The following MGAT5B variants were observed in gnomAD, a reference collection of about 807,000 sequenced individuals.
The protein encoded by MGAT5B is alpha-1,6-mannosylglycoprotein 6-beta-N-acetylglucosaminyltransferase B, also known as N-acetylglucosaminyl-transferase Vb.
MGAT5B carries 54 observed loss-of-function variants against 95.1 expected under a neutral mutation model. The observed-to-expected ratio is 0.57, with a 90% CI of 0.46 to 0.71. The LOEUF is 0.71. Among genes scored for constraint, MGAT5B ranks in the 30% least tolerant of loss-of-function variants. The pLI, the probability that MGAT5B is intolerant of heterozygous loss-of-function variation, is 0.00. For synonymous variants in MGAT5B, 464 were observed against 451.0 expected (o/e 1.03, Z -0.36); for missense variants, 935 against 1,088.6 (o/e 0.86, Z 1.99).
intron 13 of MGAT5B, among the ~76,000 whole-genome samples, chr17:76,939,507 C>T (rs1032547103): frequency 7.4e-4 from 78 of 105,824 alleles, no homozygotes; most frequent in Non-Finnish European, 1.3e-3. Flanking sequence ...AGCAAGACTC[C>T]GTCTCAAAAT....
intron 2 of MGAT5B, 49 bp downstream of exon 2, chr17:76,873,012 G>C: frequency 6.3e-7 from 1 of 1,596,866 alleles, no homozygotes; most frequent in Non-Finnish European, 8.5e-7. Context: ...GGCGTTTGTG[G>C]GTCAAAGAGG....
chr17:76,948,122 T>C (rs1405078720), intron 17 of MGAT5B, 36 bp downstream of exon 17: 1 of 1,508,380 alleles, frequency 6.6e-7, no homozygotes, highest in African/African-American at 1.4e-5. Context: ...CCAGCCGCTA[T>C]CATCGCTGGC....
intron 10 of MGAT5B, 27 bp downstream of exon 10, chr17:76,926,757 G>A: frequency 6.2e-7 from 1 of 1,608,896 alleles, no homozygotes; most frequent in Non-Finnish European, 8.5e-7. Flanking sequence ...GCAGGGGTGG[G>A]GTCGGAGGTC....
In MGAT5B at chr17:76,925,050, C is replaced by T; in HGVS notation, c.1110C>T (p.Gly370=). The T allele has an allele frequency of 6.2e-7, 1 of 1,611,696 alleles. No homozygotes were observed. Among genetic ancestry groups the T allele is most frequent in the Non-Finnish European group, 8.5e-7 (1 of 1,179,398 alleles). ...PFDLIYTDYH[G]LQQMKRHMGL... ...ACCTCATCTACACCGACTACCACGG[C>T]CTGCAGCAGATGAAGCGGCACATGG... The change falls in exon 9 of 18, where the codon GGC becomes GGT. Residue 370 remains glycine, a synonymous_variant. Coordinates refer to ENST00000569840, the MANE Select transcript of MGAT5B (RefSeq NM_001199172.2).
chr17:76,897,008 T>C (rs1324608569), intron 3 of MGAT5B, among the ~76,000 whole-genome samples: 1 of 152,064 alleles, frequency 6.6e-6, no homozygotes, highest in Non-Finnish European at 1.5e-5. Flanking sequence ...AGCCTGGACC[T>C]CACGGGCGCA....
At position 76,869,214 on chromosome 17, in the gene MGAT5B, C is replaced by G. The variant is rs1966903655; in HGVS notation, c.68+117C>G. The G allele has an allele frequency of 5.6e-6, 5 of 896,300 alleles. No individual in the cohort carries two copies. The highest frequency in any genetic ancestry group is 9.2e-6 in the Non-Finnish European group (5 of 541,294). The allele number at this position is 896,300 out of a possible 1,614,324, so 55.5% of individuals were successfully genotyped here. ...CAGAGGGGGCGGTTCACACTTCAAC[C>G]CCTGGTGATGACCAGTGGGGCTGGG... On this transcript the variant is annotated intron_variant, in intron 1 of 17. Coordinates refer to ENST00000569840, the MANE Select transcript of MGAT5B (RefSeq NM_001199172.2). This position sits in a 1 kb window ranked among gnomAD's most constrained non-coding sequence, Gnocchi z 7.0.
At chr17:76,941,599 G>A (rs1397574365) in intron 15 of MGAT5B, among the ~76,000 whole-genome samples, 1 of 152,190 alleles carries the variant, frequency 6.6e-6, no homozygotes, top group East Asian at 1.9e-4. Flanking sequence ...GGTGGCTCCC[G>A]CCTGTAATCC....
intron 15 of MGAT5B, among the ~76,000 whole-genome samples, chr17:76,941,888 C>G (rs1969872177): frequency 6.6e-6 from 1 of 152,234 alleles, no homozygotes; most frequent in South Asian, 2.1e-4. Flanking sequence ...CATCCCAGAG[C>G]TGTCCTGCCC....
At chr17:76,948,597 A>C in intron 17 of MGAT5B, 43 bp from the exon 18 acceptor site, 1 of 1,572,816 alleles carries the variant, frequency 6.4e-7, no homozygotes, top group Non-Finnish European at 8.6e-7. Flanking sequence ...CCTTCTGCCC[A>C]AGTGACCAAC....
chr17:76,873,722 T>C (rs1967084339), intron 2 of MGAT5B, among the ~76,000 whole-genome samples: 2 of 152,180 alleles, frequency 1.3e-5, no homozygotes, highest in African/African-American at 4.8e-5. Flanking sequence ...GGGTCAGAAC[T>C]GAGCCCTGCT....
At position 76,914,668 on chromosome 17, in the gene MGAT5B, C is replaced by T. The variant is rs1164969189; in HGVS notation, c.1025+8481C>T. Among the ~76,000 whole-genome samples, 2 of 145,668 alleles carry T rather than the reference C, an allele frequency of 1.4e-5. No homozygotes were observed. Among genetic ancestry groups the T allele is most frequent in the Non-Finnish European group, 3.0e-5 (2 of 67,488 alleles). On this transcript the variant is annotated intron_variant, in intron 8 of 17. Coordinates refer to ENST00000569840, the MANE Select transcript of MGAT5B (RefSeq NM_001199172.2). This position sits in a 1 kb window ranked among gnomAD's most constrained non-coding sequence, Gnocchi z 5.1. ...TCTTTTTTTTTTTTTGAGACAGAGT[C>T]TTGCCCTGTCCCCCAGCTGGAGCGC...
intron 8 of MGAT5B, among the ~76,000 whole-genome samples, chr17:76,907,499 T>G (rs936872269): frequency 5.9e-5 from 9 of 152,250 alleles, no homozygotes; most frequent in African/African-American, 2.2e-4. Context: ...AAACTCACTC[T>G]GTTTCAAAGA....
intron 9 of MGAT5B, 148 bp from the exon 10 acceptor site, chr17:76,926,449 G>C: frequency 1.4e-6 from 1 of 735,106 alleles, no homozygotes. Context: ...TCACACAGCA[G>C]GGCAGTGTCC....
At chr17:76,942,124 C>T (rs112611256) in intron 15 of MGAT5B, among the ~76,000 whole-genome samples, 217 of 152,290 alleles carry the variant, frequency 1.4e-3, no homozygotes, top group Middle Eastern at 3.4e-3. Context: ...AGCAAAGCAC[C>T]GGCCTAGACA....
chr17:76,939,453 G>T (rs1969795658), intron 13 of MGAT5B, among the ~76,000 whole-genome samples: 1 of 152,174 alleles, frequency 6.6e-6, no homozygotes, highest in African/African-American at 2.4e-5. Flanking sequence ...GGCAGAGGTT[G>T]CAGTGAGATG....
chr17:76,906,291 C>A lies in MGAT5B; in HGVS notation c.1025+104C>A. ...GCTGTGGGAGCACCTGCTCTGCCTGCAGGTCCCACGGCCCTGAGACCCTGG... is the reference window on the plus strand; with the variant it reads ...GCTGTGGGAGCACCTGCTCTGCCTGAAGGTCCCACGGCCCTGAGACCCTGG... On this transcript the variant is annotated intron_variant, in intron 8 of 17. Coordinates refer to ENST00000569840, the MANE Select transcript of MGAT5B (RefSeq NM_001199172.2). The surrounding 1 kb of genome is among the most constrained non-coding windows in gnomAD (Gnocchi z 4.6). 2 of 1,162,710 alleles carry A rather than the reference C, an allele frequency of 1.7e-6. No homozygotes were observed. Among genetic ancestry groups the A allele is most frequent in the Non-Finnish European group, 2.4e-6 (2 of 845,426 alleles). The allele number at this position is 1,162,710 out of a possible 1,614,324, so 72.0% of individuals were successfully genotyped here.
In MGAT5B at chr17:76,916,000, G is replaced by C. The variant is rs1968920155; in HGVS notation, c.1026-8966G>C. Among the ~76,000 whole-genome samples the C allele has an allele frequency of 6.6e-6, 1 of 152,262 alleles. No homozygotes were observed. Among genetic ancestry groups the C allele is most frequent in the African/African-American group, 2.4e-5 (1 of 41,476 alleles). On this transcript the variant is annotated intron_variant, in intron 8 of 17. Coordinates refer to ENST00000569840, the MANE Select transcript of MGAT5B (RefSeq NM_001199172.2). The surrounding 1 kb of genome is among the most constrained non-coding windows in gnomAD (Gnocchi z 8.7). ...CCTAGACTGCGGGTAAGGGGACAGA[G>C]AGGGAGCAGGCGCCGGCATGCCGAG...
intron 15 of MGAT5B, among the ~76,000 whole-genome samples, chr17:76,943,331 G>A (rs78531576): frequency 0.014 from 2,142 of 152,196 alleles, 28 homozygotes; most frequent in Middle Eastern, 0.095. Flanking sequence ...CCAAACCAAC[G>A]GAGGCCCCTC....
At position 76,905,964 on chromosome 17, in the gene MGAT5B, G is replaced by T; in HGVS notation, c.856-54G>T. On this transcript the variant is annotated intron_variant, in intron 7 of 17. Transcript: ENST00000569840. This position sits in a 1 kb window ranked among gnomAD's most constrained non-coding sequence, Gnocchi z 4.2. ...CTCCTGGCCGGTGCCCCGGGGGGGC[G>T]GGGCTCAGAGCTGCTGCTCCTCTCT... The T allele has an allele frequency of 6.6e-7, 1 of 1,509,616 alleles. No homozygotes were observed. The highest frequency in any genetic ancestry group is 1.3e-5 in the South Asian group (1 of 76,628). 93.5% of individuals were successfully genotyped at this position (1,509,616 alleles called of 1,614,324 possible). A position where few individuals can be genotyped will look rare whatever the true frequency, so the allele number is the denominator to read the frequency against.
Sources: gnomAD v4.1 joint callset for allele counts (sites outside exome capture counted in the v4.1 genomes callset) on GRCh38, gnomAD v4.1.1 for gene constraint, Gnocchi (gnomAD v3.1) non-coding constraint, MANE v1.5 for transcripts, NCBI Gene and HGNC (gene_info 2026-07-23, HGNC 2026-07-21) for gene names.